The following FGF7 variants were observed in gnomAD, a reference collection of about 807,000 sequenced individuals.
FGF7 encodes FGF-7.
FGF7 carries 6 observed loss-of-function variants against 20.5 expected under a neutral mutation model. That is an observed-to-expected ratio of 0.29 (90% CI 0.16 to 0.58). FGF7 has a LOEUF of 0.58. Ranked by LOEUF, FGF7 falls within the 20% of genes least tolerant of loss-of-function variation. FGF7 has a pLI of 0.90. For synonymous variants in FGF7, 64 were observed against 74.7 expected, an observed-to-expected ratio of 0.86 and a Z score of 0.74; for missense variants, 144 against 228.8, an observed-to-expected ratio of 0.63 and a Z score of 2.39.
chr15:49,432,419 T>C (rs1041504949), intron 2 of FGF7, among the ~76,000 whole-genome samples: 3 of 151,706 alleles, frequency 2.0e-5, no homozygotes, highest in Non-Finnish European at 4.4e-5. Flanking sequence ...GAGTCTATAC[T>C]ATACTAATGA....
chr15:49,436,498 G>A (rs1305114091), intron 2 of FGF7, among the ~76,000 whole-genome samples: 1 of 151,516 alleles, frequency 6.6e-6, no homozygotes, highest in Non-Finnish European at 1.5e-5. Context: ...GAAAACATGG[G>A]CCATTAGTAT....
In FGF7 at chr15:49,424,233, G is replaced by A. The variant is rs2049931914; in HGVS notation, c.-65G>A. On this transcript the variant is annotated 5_prime_UTR_variant, in exon 2 of 4. Coordinates refer to ENST00000267843, the MANE Select transcript of FGF7 (RefSeq NM_002009.4). The stretch of plus-strand genomic sequence containing the variant: ...ATAGGAAGAGGTCAATGACCTAGGA[G>A]TAACAATCAACTCAAGATTCATTTT... 1 of 1,433,514 alleles carries A rather than the reference G, an allele frequency of 7.0e-7. No individual in the cohort carries two copies. Among genetic ancestry groups the A allele is most frequent in the Admixed American group, 1.7e-5 (1 of 57,182 alleles). The allele number at this position is 1,433,514 out of a possible 1,614,324, so 88.8% of individuals were successfully genotyped here. A position where few individuals can be genotyped will look rare whatever the true frequency, so the allele number is the denominator to read the frequency against.
intron 2 of FGF7, among the ~76,000 whole-genome samples, chr15:49,430,180 C>T (rs530067637): frequency 1.3e-5 from 2 of 152,002 alleles, no homozygotes; most frequent in Non-Finnish European, 2.9e-5. Flanking sequence ...TCTGTAGCTA[C>T]TATGTTAAGA....
At chr15:49,477,081 C>T (rs1232844523) in intron 2 of FGF7, among the ~76,000 whole-genome samples, 2 of 147,166 alleles carry the variant, frequency 1.4e-5, no homozygotes, top group African/African-American at 2.5e-5. Flanking sequence ...AAAAATTGAG[C>T]AGATAATAGA....
intron 2 of FGF7, among the ~76,000 whole-genome samples, chr15:49,462,766 G>C (rs1172404476): frequency 2.0e-5 from 3 of 152,138 alleles, no homozygotes; most frequent in Non-Finnish European, 4.4e-5. Flanking sequence ...TGATATATCA[G>C]ATTATGAAAG....
intron 2 of FGF7, among the ~76,000 whole-genome samples, chr15:49,439,464 A>C (rs968435602): frequency 1.3e-5 from 2 of 151,798 alleles, no homozygotes; most frequent in African/African-American, 4.8e-5. Flanking sequence ...GTGAATAGTG[A>C]ATACTAAGTG....
At chr15:49,444,985 G>GATTCATATTCATATATTCATATATGA (rs749760965) in intron 2 of FGF7, among the ~76,000 whole-genome samples, 61 of 151,320 alleles carry the variant, frequency 4.0e-4, no homozygotes, top group Non-Finnish European at 7.8e-4. Flanking sequence ...TATTCATTCT[G>GATTCATATTCATATATTCATATATGA]ATTCATATTC....
rs542612493 is a variant in FGF7, at chr15:49,477,911, A to G, written c.287-5240A>G. On this transcript the variant is annotated intron_variant, in intron 2 of 3. Transcript: ENST00000267843. ...TATCTCATTGTTGTTTTAATTTGCA[A>G]TTCCTTTTTAAATAATTTCAACTTT... 5.5e-4 allele frequency among the ~76,000 whole-genome samples: 83 copies of G among 152,236 alleles called. 1 individual carries two copies. In the Middle Eastern group the frequency reaches 0.014, roughly 25 times the overall value.
chr15:49,434,910 TA>T (rs1368645769), intron 2 of FGF7, among the ~76,000 whole-genome samples: 1 of 151,562 alleles, frequency 6.6e-6, no homozygotes, highest in African/African-American at 2.4e-5. Flanking sequence ...GTTTTTCCTT[TA>T]AAGGGAAATT....
rs192770623 is a variant in FGF7 at position 49,470,101 on chromosome 15, C to T, written c.287-13050C>T. On this transcript the variant is annotated intron_variant, in intron 2 of 3. Coordinates refer to ENST00000267843, the MANE Select transcript of FGF7 (RefSeq NM_002009.4). ...AAAATGGGACATTCTAATGTTGCTCCATCTTTTGAAGACCACGGTATTATG... is the reference window on the plus strand; with the variant it reads ...AAAATGGGACATTCTAATGTTGCTCTATCTTTTGAAGACCACGGTATTATG... Among the ~76,000 whole-genome samples, 244 of 152,118 alleles carry T rather than the reference C, an allele frequency of 1.6e-3. 2 individuals carry two copies. Among genetic ancestry groups the T allele is most frequent in the African/African-American group, 5.7e-3 (238 of 41,524 alleles).
chr15:49,476,066 T>C (rs1030668474), intron 2 of FGF7, among the ~76,000 whole-genome samples: 5 of 152,146 alleles, frequency 3.3e-5, no homozygotes, highest in African/African-American at 1.2e-4. Context: ...CATAGTACTT[T>C]TATCTCTCAA....
At chr15:49,470,467 A>ATATACAAAACCAC (rs1312474888) in intron 2 of FGF7, among the ~76,000 whole-genome samples, 1 of 152,150 alleles carries the variant, frequency 6.6e-6, no homozygotes, top group African/African-American at 2.4e-5. Context: ...TAGGACAAGT[A>ATATACAAAACCAC]TATACAAAAC....
chr15:49,478,120 C>T (rs2055532811), intron 2 of FGF7, among the ~76,000 whole-genome samples: 1 of 152,232 alleles, frequency 6.6e-6, no homozygotes, highest in South Asian at 2.1e-4. Context: ...ATCTTTATGT[C>T]CCTAAGTACC....
At chr15:49,467,927 T>G (rs1451730788) in intron 2 of FGF7, among the ~76,000 whole-genome samples, 4 of 152,120 alleles carry the variant, frequency 2.6e-5, no homozygotes, top group Non-Finnish European at 5.9e-5. Flanking sequence ...TCCCATGACA[T>G]TCTTCAGTAA....
At chr15:49,482,070 G>C (rs1262208413) in intron 2 of FGF7, among the ~76,000 whole-genome samples, 1 of 152,066 alleles carries the variant, frequency 6.6e-6, no homozygotes, top group Non-Finnish European at 1.5e-5. Flanking sequence ...GTTTTTGAAG[G>C]CCCAATCACA....
At chr15:49,459,288 T>C (rs2053580943) in intron 2 of FGF7, among the ~76,000 whole-genome samples, 1 of 152,212 alleles carries the variant, frequency 6.6e-6, no homozygotes, top group South Asian at 2.1e-4. Flanking sequence ...ATAGGTTCTC[T>C]GCATTAGGTG....
At chr15:49,470,345 G>A (rs1378706727) in intron 2 of FGF7, among the ~76,000 whole-genome samples, 1 of 152,024 alleles carries the variant, frequency 6.6e-6, no homozygotes, top group Non-Finnish European at 1.5e-5. Context: ...TTTTGGTGCT[G>A]AGCAAATTTC....
intron 2 of FGF7, among the ~76,000 whole-genome samples, chr15:49,472,020 G>A (rs2054824182): frequency 3.5e-5 from 5 of 144,192 alleles, no homozygotes; most frequent in African/African-American, 5.2e-5. Context: ...CTTTAGAAGT[G>A]AAAAAAAAAA....
At chr15:49,460,483 T>A (rs545308338) in intron 2 of FGF7, among the ~76,000 whole-genome samples, 1 of 152,318 alleles carries the variant, frequency 6.6e-6, no homozygotes, top group East Asian at 1.9e-4. Flanking sequence ...TCTAAATCTG[T>A]GGTACCAGGA....
Sources: allele counts gnomAD v4.1 joint callset (sites outside exome capture counted in the v4.1 genomes callset), GRCh38; gene constraint gnomAD v4.1.1; transcripts MANE v1.5; gene names NCBI Gene and HGNC (gene_info 2026-07-23, HGNC 2026-07-21).